The following SCMH1 variants were observed in gnomAD, a reference collection of about 807,000 sequenced individuals.
SCMH1 encodes polycomb protein SCMH1.
SCMH1 carries 37 observed loss-of-function variants against 70.8 expected under a neutral mutation model. The ratio of observed to expected loss-of-function variants is 0.52; its 90% CI spans 0.40 to 0.69. SCMH1 has a LOEUF of 0.69. SCMH1 is among the 30% of genes least tolerant of loss of function. SCMH1 has a pLI of 0.00. For synonymous variants in SCMH1, 292 were observed against 307.4 expected (o/e 0.95, Z 0.52); for missense variants, 607 against 827.3 (o/e 0.73, Z 3.27).
Position 41,186,388 on chromosome 1 carries a change from T to C in SCMH1, c.-117-138A>G, listed in dbSNP as rs1290223825. 3 of 339,086 alleles carry C rather than the reference T, an allele frequency of 8.8e-6. No homozygotes were observed. In the Admixed American group the frequency reaches 1.2e-4, roughly 13 times the overall value. 21.0% of individuals were successfully genotyped at this position (339,086 alleles called of 1,614,324 possible). On this transcript the variant is annotated intron_variant, in intron 1 of 14. Coordinates refer to ENST00000337495, the Ensembl canonical transcript of SCMH1. ...ATACAGATTTTTTGCTATTAGAATA[T>C]CTTGGAGTTGCAAAGTACCTTACAG...
chr1:41,054,279 C>T (rs1294049648), intron 10 of SCMH1, among the ~76,000 whole-genome samples: 1 of 152,056 alleles, frequency 6.6e-6, no homozygotes, highest in Non-Finnish European at 1.5e-5. Flanking sequence ...AAGAAATATT[C>T]CTGATGAACT....
At chr1:41,044,648 G>A (rs1381715542) in intron 12 of SCMH1, among the ~76,000 whole-genome samples, 1 of 152,152 alleles carries the variant, frequency 6.6e-6, no homozygotes, top group Non-Finnish European at 1.5e-5. Context: ...ACAAAAAGTG[G>A]GCTCAATCTG....
At chr1:41,054,220 G>A (rs2148743495) in intron 10 of SCMH1, among the ~76,000 whole-genome samples, 1 of 152,258 alleles carries the variant, frequency 6.6e-6, no homozygotes, top group African/African-American at 2.4e-5. Context: ...CGATGAAAGG[G>A]GAAGTGTTGA....
At chr1:41,128,058 G>A (rs1673670496) in intron 6 of SCMH1, among the ~76,000 whole-genome samples, 1 of 152,058 alleles carries the variant, frequency 6.6e-6, no homozygotes, top group African/African-American at 2.4e-5. Flanking sequence ...TCTATCTCTG[G>A]ATTTGCTATT....
At chr1:41,090,817 A>G (rs1044544325) in intron 8 of SCMH1, among the ~76,000 whole-genome samples, 12 of 152,192 alleles carry the variant, frequency 7.9e-5, no homozygotes, top group Non-Finnish European at 1.3e-4. Context: ...AGGCGGGTGG[A>G]TCATGAGGTC....
At chr1:41,068,761 C>A (rs752603210) in intron 10 of SCMH1, among the ~76,000 whole-genome samples, 1 of 151,972 alleles carries the variant, frequency 6.6e-6, no homozygotes, top group Non-Finnish European at 1.5e-5. Context: ...GAAAATATAT[C>A]CAAAGTGAAA....
chr1:41,102,488 G>T (rs1666869404), intron 8 of SCMH1, among the ~76,000 whole-genome samples: 2 of 152,118 alleles, frequency 1.3e-5, no homozygotes, highest in African/African-American at 2.4e-5. Flanking sequence ...TAACACTTTT[G>T]GTACTCCATA....
At chr1:41,097,142 G>A (rs1665306098) in intron 8 of SCMH1, among the ~76,000 whole-genome samples, 2 of 152,178 alleles carry the variant, frequency 1.3e-5, no homozygotes, top group Admixed American at 6.5e-5. Flanking sequence ...CAGAGTATTG[G>A]CCTTTAAGGT....
intron 6 of SCMH1, among the ~76,000 whole-genome samples, chr1:41,135,966 C>G (rs1234219691): frequency 6.8e-6 from 1 of 147,218 alleles, no homozygotes; most frequent in Admixed American, 6.9e-5. Context: ...TTTTTTGAGA[C>G]AGGATCTCAC....
At chr1:41,058,411 C>T (rs554197964) in intron 10 of SCMH1, among the ~76,000 whole-genome samples, 12 of 84,708 alleles carry the variant, frequency 1.4e-4, no homozygotes, top group South Asian at 4.5e-4. Flanking sequence ...GAGACAGTCT[C>T]GCTCTATCAC....
intron 13 of SCMH1, among the ~76,000 whole-genome samples, chr1:41,030,575 T>C (rs1644379605): frequency 1.3e-5 from 2 of 152,210 alleles, no homozygotes; most frequent in South Asian, 2.1e-4. Context: ...ACCTCAAATA[T>C]TGATTCCACA....
At chr1:41,220,631 T>G (rs1659059943) in intron 1 of SCMH1, among the ~76,000 whole-genome samples, 1 of 152,256 alleles carries the variant, frequency 6.6e-6, no homozygotes, top group Non-Finnish European at 1.5e-5. Context: ...TAACACATGT[T>G]ACGGTGACTT....
At chr1:41,163,102 A>G in intron 2 of SCMH1, 1 of 152,186 alleles carries the variant, frequency 6.6e-6, no homozygotes, top group Non-Finnish European at 1.5e-5. Context: ...CAGGGCTGTG[A>G]CTCCCTCTTT....
chr1:41,074,321 C>A (rs1344466227), intron 9 of SCMH1, among the ~76,000 whole-genome samples: 1 of 152,046 alleles, frequency 6.6e-6, no homozygotes, highest in African/African-American at 2.4e-5. Context: ...GTAGCTTTTG[C>A]CATTTACTAG....
intron 10 of SCMH1, among the ~76,000 whole-genome samples, chr1:41,068,121 G>A (rs1369872397): frequency 6.6e-6 from 1 of 152,200 alleles, no homozygotes; most frequent in Admixed American, 6.5e-5. Context: ...TTTATGGAGA[G>A]CATTTTGCAG....
chr1:41,159,728 C>A, intron 4 of SCMH1: 2 of 1,531,742 alleles, frequency 1.3e-6, no homozygotes, highest in Middle Eastern at 3.4e-4. Context: ...CCTTTACCTG[C>A]ATTATTTCAT....
At chr1:41,232,109 T>C (rs955346189) in intron 1 of SCMH1, among the ~76,000 whole-genome samples, 1 of 152,114 alleles carries the variant, frequency 6.6e-6, no homozygotes, top group African/African-American at 2.4e-5. Context: ...GTTATGGCTT[T>C]TGGGGAGGAA....
intron 10 of SCMH1, among the ~76,000 whole-genome samples, chr1:41,058,378 G>GTTTTCTTTTTTTTTTT (rs1651272790): frequency 1.2e-5 from 1 of 81,640 alleles, no homozygotes; most frequent in African/African-American, 5.1e-5. Context: ...TTTCTTTCTT[G>GTTTTCTTTTTTTTTTT]TTTTTTTTTT....
At chr1:41,225,189 C>G (rs1285920514) in intron 1 of SCMH1, among the ~76,000 whole-genome samples, 2 of 152,188 alleles carry the variant, frequency 1.3e-5, no homozygotes, top group African/African-American at 2.4e-5. Context: ...CCAACACACA[C>G]AGAGCTTTAA....
Sources: gnomAD v4.1 joint callset for allele counts (sites outside exome capture counted in the v4.1 genomes callset) on GRCh38, gnomAD v4.1.1 for gene constraint, MANE v1.5 for transcripts, NCBI Gene and HGNC (gene_info 2026-07-23, HGNC 2026-07-21) for gene names.